Variants in NEK11 observed in about 807,000 individuals in gnomAD.
NEK11 encodes serine/threonine-protein kinase Nek11.
In NEK11, 72 loss-of-function variants were observed where a neutral mutation model predicts 80.7. That is an observed-to-expected ratio of 0.89 (90% CI 0.74 to 1.08). The LOEUF (loss-of-function observed/expected upper bound fraction) is 1.08, where lower values mean the gene tolerates loss of function less well. Among genes scored for constraint, NEK11 ranks in the 50% least tolerant of loss-of-function variants. The probability of loss-of-function intolerance (pLI) is 0.00; values close to 1 mark genes in which losing one functional copy is unlikely to be tolerated. For synonymous variants in NEK11, 251 were observed against 260.7 expected, an observed-to-expected ratio of 0.96 and a Z score of 0.36; for missense variants, 764 against 763.6, an observed-to-expected ratio of 1.00 and a Z score of -0.01.
chr3:131,100,714 C>A (rs546503837), intron 4 of NEK11, among the ~76,000 whole-genome samples: 1 of 152,048 alleles, frequency 6.6e-6, no homozygotes, highest in African/African-American at 2.4e-5. Flanking sequence ...TTTTTCGTTG[C>A]ATCTTTGCCA....
intron 17 of NEK11, among the ~76,000 whole-genome samples, chr3:131,321,564 C>CA (rs2096897283): frequency 6.6e-6 from 1 of 152,114 alleles, no homozygotes; most frequent in African/African-American, 2.4e-5. Flanking sequence ...AGTAAACAGA[C>CA]AACCTACAGA....
intron 3 of NEK11, among the ~76,000 whole-genome samples, chr3:131,047,205 TAA>T (rs2067541470): frequency 6.6e-6 from 1 of 152,186 alleles, no homozygotes; most frequent in Non-Finnish European, 1.5e-5. Flanking sequence ...TTGATTTCAT[TAA>T]GTTAGACTTC....
intron 17 of NEK11, among the ~76,000 whole-genome samples, chr3:131,314,665 C>T (rs1455555356): frequency 6.6e-6 from 1 of 152,128 alleles, no homozygotes; most frequent in Non-Finnish European, 1.5e-5. Flanking sequence ...GCACAACTTG[C>T]CTGCCCACCA....
intron 14 of NEK11, among the ~76,000 whole-genome samples, chr3:131,225,725 G>A (rs539431276): frequency 6.6e-6 from 1 of 152,040 alleles, no homozygotes; most frequent in South Asian, 2.1e-4. Context: ...GCTAGGTTGG[G>A]GTGTTTTTCA....
chr3:131,176,638 A>C (rs1216271685), intron 14 of NEK11, among the ~76,000 whole-genome samples: 1 of 152,164 alleles, frequency 6.6e-6, no homozygotes, highest in African/African-American at 2.4e-5. Flanking sequence ...TAAAATTTCA[A>C]AGATTATATC....
At chr3:131,324,977 A>G (rs953126802) in intron 17 of NEK11, 1 of 152,234 alleles carries the variant, frequency 6.6e-6, no homozygotes, top group Non-Finnish European at 1.5e-5. Flanking sequence ...AGGCCATTCT[A>G]AAGGATTGAA....
At position 131,170,575 on chromosome 3, in the gene NEK11, G is replaced by A. The variant is rs546955881; in HGVS notation, c.1285-198G>A. Among the ~76,000 whole-genome samples the A allele has an allele frequency of 5.9e-5, 9 of 152,292 alleles. No individual in the cohort carries two copies. The East Asian group carries it at 1.7e-3, about 29-fold the overall frequency. ...TGAGCCCATGAAGGTTAAATGCTTT[G>A]TGCAAGGTCACCTGTCTCATTGATT... is the stretch of plus-strand genomic sequence containing the variant. On this transcript the variant is annotated intron_variant, in intron 13 of 17. Transcript: ENST00000383366.
At chr3:131,085,772 A>G (rs1010539432) in intron 4 of NEK11, among the ~76,000 whole-genome samples, 11 of 152,188 alleles carry the variant, frequency 7.2e-5, no homozygotes, top group Non-Finnish European at 1.2e-4. Context: ...ATATAATCAT[A>G]GTATAATTAT....
At chr3:131,149,376 G>A (rs2089169784) in intron 7 of NEK11, among the ~76,000 whole-genome samples, 1 of 152,012 alleles carries the variant, frequency 6.6e-6, no homozygotes, top group South Asian at 2.1e-4. Context: ...ACCGTTGATG[G>A]GCGTTGAGGT....
At chr3:131,334,516 G>A (rs2097148740) in intron 17 of NEK11, among the ~76,000 whole-genome samples, 1 of 150,732 alleles carries the variant, frequency 6.6e-6, no homozygotes, top group African/African-American at 2.4e-5. Flanking sequence ...GAGAAAGCAG[G>A]AAAGATCCAA....
intron 17 of NEK11, among the ~76,000 whole-genome samples, chr3:131,299,447 C>G (rs751622616): frequency 9.9e-5 from 15 of 151,942 alleles, no homozygotes; most frequent in Non-Finnish European, 1.8e-4. Flanking sequence ...CTGCCTCAGC[C>G]TCCCAAAAGT....
At chr3:131,263,034 G>A (rs556312938) in intron 16 of NEK11, among the ~76,000 whole-genome samples, 4 of 152,174 alleles carry the variant, frequency 2.6e-5, no homozygotes, top group Admixed American at 6.6e-5. Flanking sequence ...TGGCATATAT[G>A]TGCCACATTT....
At chr3:131,118,702 A>T (rs1299419139) in intron 5 of NEK11, among the ~76,000 whole-genome samples, 1 of 152,076 alleles carries the variant, frequency 6.6e-6, no homozygotes, top group African/African-American at 2.4e-5. Context: ...TAGTCTTGGG[A>T]GGGTGTATGT....
intron 14 of NEK11, among the ~76,000 whole-genome samples, chr3:131,224,855 A>T (rs1376463941): frequency 1.3e-5 from 2 of 152,254 alleles, no homozygotes; most frequent in Non-Finnish European, 2.9e-5. Context: ...TAGGAGAGAT[A>T]TGAAAAAAAG....
At chr3:131,086,987 G>T (rs985341616) in intron 4 of NEK11, among the ~76,000 whole-genome samples, 1 of 152,044 alleles carries the variant, frequency 6.6e-6, no homozygotes, top group Non-Finnish European at 1.5e-5. Context: ...TCTTAAGAGA[G>T]TATAACATAT....
intron 7 of NEK11, among the ~76,000 whole-genome samples, chr3:131,147,520 A>G (rs2088622714): frequency 6.6e-6 from 1 of 152,054 alleles, no homozygotes. Flanking sequence ...ATTTGGTCAT[A>G]CAAAACTTCC....
chr3:131,294,851 T>G (rs1233777072), intron 17 of NEK11, among the ~76,000 whole-genome samples: 1 of 152,118 alleles, frequency 6.6e-6, no homozygotes, highest in Non-Finnish European at 1.5e-5. Flanking sequence ...CCTCATAGCT[T>G]CCCTTGCTTT....
intron 17 of NEK11, among the ~76,000 whole-genome samples, chr3:131,288,610 G>C (rs1415301847): frequency 2.0e-5 from 3 of 151,772 alleles, no homozygotes. Context: ...GCACCACCGT[G>C]CCTGGCTAAT....
intron 17 of NEK11, among the ~76,000 whole-genome samples, chr3:131,283,226 A>G (rs558753957): frequency 6.6e-6 from 1 of 152,332 alleles, no homozygotes; most frequent in African/African-American, 2.4e-5. Context: ...TCTAGATCTC[A>G]TCAGGAACTC....
Sources: gnomAD v4.1 joint callset for allele counts (sites outside exome capture counted in the v4.1 genomes callset) on GRCh38, gnomAD v4.1.1 for gene constraint, MANE v1.5 for transcripts, NCBI Gene and HGNC (gene_info 2026-07-23, HGNC 2026-07-21) for gene names.